Variants in ACSM3 observed in about 807,000 individuals in gnomAD.
ACSM3 encodes acyl-CoA synthetase medium chain family member 3.
A neutral mutation model predicts 74.1 loss-of-function variants in ACSM3; 61 were observed. The ratio of observed to expected loss-of-function variants is 0.82; its 90% CI spans 0.67 to 1.02. The LOEUF (loss-of-function observed/expected upper bound fraction) is 1.02, where lower values mean the gene tolerates loss of function less well. ACSM3 is among the 50% of genes least tolerant of loss of function. The pLI, the probability that ACSM3 is intolerant of heterozygous loss-of-function variation, is 0.00. For missense variants in ACSM3, 660 were observed against 697.0 expected (o/e 0.95, Z 0.60); for synonymous variants, 213 against 241.5 (o/e 0.88, Z 1.09).
At chr16:20,700,469 A>G (rs1260935460) in intron 1 of ACSM3, among the ~76,000 whole-genome samples, 1 of 151,996 alleles carries the variant, frequency 6.6e-6, no homozygotes, top group East Asian at 1.9e-4. Context: ...TGAGACCTGA[A>G]GGAGGAGAAG....
chr16:20,741,625 G>A (rs2079925389), intron 1 of ACSM3: 2 of 1,574,096 alleles, frequency 1.3e-6, no homozygotes, highest in Non-Finnish European at 1.7e-6. Context: ...CCGGGCTCTA[G>A]CTGACGGGGC....
At chr16:20,738,725 C>A in intron 1 of ACSM3, 1 of 698,662 alleles carries the variant, frequency 1.4e-6, no homozygotes, top group Non-Finnish European at 2.4e-6. Flanking sequence ...ATGCTACGTC[C>A]ACCACCCCAT....
intron 1 of ACSM3, among the ~76,000 whole-genome samples, chr16:20,709,632 T>C (rs1430513121): frequency 6.6e-6 from 1 of 152,256 alleles, no homozygotes; most frequent in Non-Finnish European, 1.5e-5. Context: ...CTTATATTTT[T>C]ACATTGAATG....
chr16:20,784,306 A>G (rs751948827), intron 7 of ACSM3, among the ~76,000 whole-genome samples: 4 of 152,210 alleles, frequency 2.6e-5, no homozygotes, highest in African/African-American at 4.8e-5. Flanking sequence ...CTAGTGTTCA[A>G]TATCCATATA....
chr16:20,750,844 G>GATTTTTT (rs535957044), intron 2 of ACSM3, among the ~76,000 whole-genome samples: 2 of 115,350 alleles, frequency 1.7e-5, no homozygotes, highest in Non-Finnish European at 3.5e-5. Flanking sequence ...TTGGAGTCAG[G>GATTTTTT]TTTTTTTTTT....
In ACSM3 at chr16:20,781,095, C is replaced by T. The variant is rs117563656; in HGVS notation, c.904C>T (p.His302Tyr). 2.1e-3 allele frequency: 3,414 copies of T among 1,614,052 alleles called. 6 individuals carry two copies. Among genetic ancestry groups the T allele is most frequent in the Non-Finnish European group, 2.6e-3 (3,119 of 1,180,006 alleles). Residue 302 changes from histidine to tyrosine, a missense_variant, in exon 6 of 14, where the codon CAT (histidine) becomes TAT (tyrosine). Coordinates refer to ENST00000289416, the MANE Select transcript of ACSM3 (RefSeq NM_005622.4). ...WIQGACVFTHHLPRFEPTSIL... is the reference protein window; with the variant it reads ...WIQGACVFTHYLPRFEPTSIL... ...CCAGGGAGCATGTGTATTCACACAC[C>T]ATTTACCCCGTTTTGAGCCGACTTC...
chr16:20,718,014 GAAGAAGAA>G (rs2079771196), intron 1 of ACSM3, among the ~76,000 whole-genome samples: 1 of 146,286 alleles, frequency 6.8e-6, no homozygotes, highest in Non-Finnish European at 1.5e-5. Context: ...AGAAGAAGAA[GAAGAAGAA>G]GAAGAAAAGA....
At chr16:20,765,561 C>G (rs2080116894) in intron 1 of ACSM3, among the ~76,000 whole-genome samples, 1 of 152,094 alleles carries the variant, frequency 6.6e-6, no homozygotes, top group African/African-American at 2.4e-5. Flanking sequence ...ATATATTTAT[C>G]TCCAATCATA....
intron 2 of ACSM3, among the ~76,000 whole-genome samples, chr16:20,773,938 G>A (rs927422135): frequency 6.6e-6 from 1 of 152,170 alleles, no homozygotes; most frequent in Non-Finnish European, 1.5e-5. Flanking sequence ...TAGATGATCC[G>A]TCTAATGCTG....
At position 20,797,202 on chromosome 16, in the gene ACSM3, C is replaced by T. The variant is rs985226925; in HGVS notation, c.*230C>T. On this transcript the variant is annotated 3_prime_UTR_variant, in exon 14 of 14. Coordinates refer to ENST00000289416, the MANE Select transcript of ACSM3 (RefSeq NM_005622.4). The stretch of plus-strand genomic sequence containing the variant: ...ATCATTTCTTAATATAAAAATAATA[C>T]CATCAATTGCTGATTAATTTTTAAA... The T allele has an allele frequency of 6.5e-6, 8 of 1,234,814 alleles. No homozygotes were observed. In the East Asian group the frequency reaches 3.0e-4, roughly 47 times the overall value. 76.5% of individuals were successfully genotyped at this position (1,234,814 alleles called of 1,614,324 possible). A position where few individuals can be genotyped will look rare whatever the true frequency, so the allele number is the denominator to read the frequency against.
chr16:20,730,260 C>A (rs958543093), intron 1 of ACSM3, among the ~76,000 whole-genome samples: 2 of 152,156 alleles, frequency 1.3e-5, no homozygotes, highest in African/African-American at 4.8e-5. Flanking sequence ...GAATAGGCAG[C>A]AGATTTCACT....
intron 1 of ACSM3, among the ~76,000 whole-genome samples, chr16:20,710,177 T>C (rs551743222): frequency 1.3e-5 from 2 of 152,278 alleles, no homozygotes; most frequent in African/African-American, 4.8e-5. Flanking sequence ...CAAAGTAGTC[T>C]AGGCAAGGTT....
intron 1 of ACSM3, among the ~76,000 whole-genome samples, chr16:20,706,793 T>C (rs1028723247): frequency 6.6e-6 from 1 of 152,136 alleles, no homozygotes; most frequent in African/African-American, 2.4e-5. Context: ...AACAACCATC[T>C]AACTCAACTC....
intron 2 of ACSM3, among the ~76,000 whole-genome samples, chr16:20,750,696 A>G (rs1274353172): frequency 1.3e-5 from 2 of 152,166 alleles, no homozygotes; most frequent in Non-Finnish European, 2.9e-5. Flanking sequence ...TGACTAATAC[A>G]CTGGGAATCC....
intron 1 of ACSM3, among the ~76,000 whole-genome samples, chr16:20,692,097 T>C (rs528980886): frequency 9.8e-5 from 15 of 152,312 alleles, no homozygotes; most frequent in African/African-American, 2.2e-4. Context: ...CTTGAGACTA[T>C]AAAGATACTG....
At position 20,723,336 on chromosome 16, in the gene ACSM3, A is replaced by G. The variant is rs1485435218; in HGVS notation, c.-189-26574A>G. ...CTTTGCTATTGTGAATAGTGCCACAATAAACATACGTGTGCATGTGTCTTT... is the reference window on the plus strand; with the variant it reads ...CTTTGCTATTGTGAATAGTGCCACAGTAAACATACGTGTGCATGTGTCTTT... On this transcript the variant is annotated intron_variant, in intron 1 of 3. Transcript: ENST00000561584. 2.6e-5 allele frequency among the ~76,000 whole-genome samples: 4 copies of G among 152,266 alleles called. No individual in the cohort carries two copies. In the East Asian group the frequency reaches 5.8e-4, roughly 22 times the overall value.
rs1363278817 is a variant in ACSM3 at position 20,711,781 on chromosome 16, T to C, written c.-190+36959T>C. On this transcript the variant is annotated intron_variant, in intron 1 of 3. Transcript: ENST00000561584. ...TCCAAGGACTCAGGAACACTGTGAG[T>C]TGATCTGGGCTCCTACTCGGAAAAG... 11 of 361,080 alleles carry C rather than the reference T, an allele frequency of 3.0e-5. No individual in the cohort carries two copies. In the East Asian group the frequency reaches 6.4e-4, roughly 21 times the overall value. 22.4% of individuals were successfully genotyped at this position (361,080 alleles called of 1,614,324 possible). A position where few individuals can be genotyped will look rare whatever the true frequency, so the allele number is the denominator to read the frequency against.
At chr16:20,787,074 C>G (rs1235833195) in intron 9 of ACSM3, among the ~76,000 whole-genome samples, 1 of 152,206 alleles carries the variant, frequency 6.6e-6, no homozygotes, top group East Asian at 1.9e-4. Context: ...CATCAGCAAG[C>G]TTTATATAGG....
At chr16:20,791,041 G>T in intron 10 of ACSM3, 2 of 1,143,868 alleles carry the variant, frequency 1.7e-6, no homozygotes, top group Non-Finnish European at 2.5e-6. Flanking sequence ...GGAAGAGTGA[G>T]AGGGACAGGG....
Sources: gnomAD v4.1 joint callset for allele counts (sites outside exome capture counted in the v4.1 genomes callset) on GRCh38, gnomAD v4.1.1 for gene constraint, MANE v1.5 for transcripts, NCBI Gene and HGNC (gene_info 2026-07-23, HGNC 2026-07-21) for gene names.